CAMKK2: variants seen among roughly 807,000 people sequenced by gnomAD.
CAMKK2 encodes the protein calcium/calmodulin-dependent protein kinase kinase 2.
In CAMKK2, 30 loss-of-function variants were observed where a neutral mutation model predicts 67.2. The observed-to-expected ratio is 0.45, with a 90% CI of 0.33 to 0.61. CAMKK2 has a LOEUF of 0.61. Among genes scored for constraint, CAMKK2 ranks in the 20% least tolerant of loss-of-function variants. CAMKK2 has a pLI of 0.02. For missense variants in CAMKK2, 643 were observed against 802.0 expected (o/e 0.80, Z 2.39); for synonymous variants, 322 against 326.2 (o/e 0.99, Z 0.14).
At position 121,291,408 on chromosome 12, in the gene CAMKK2, G is replaced by A. The variant is rs544955626; in HGVS notation, c.-60+5230C>T. 1.1e-3 allele frequency among the ~76,000 whole-genome samples: 164 copies of A among 152,238 alleles called. 1 individual carries two copies. The highest frequency in any genetic ancestry group is 1.9e-3 in the Non-Finnish European group (127 of 68,028). On this transcript the variant is annotated intron_variant, in intron 1 of 16. Coordinates refer to ENST00000404169, the MANE Select transcript of CAMKK2 (RefSeq NM_001270485.2). ...ATGGATGAATGTATACACAAAATGC[G>A]GTCCATCCACACAATGGAATAGTAC...
chr12:121,267,104 T>TA (rs1491448459), intron 5 of CAMKK2, among the ~76,000 whole-genome samples: 203 of 83,236 alleles, frequency 2.4e-3, no homozygotes, highest in African/African-American at 0.01. Flanking sequence ...TTAATTTATC[T>TA]TTTTTTTTTT....
rs951471648 is a variant in CAMKK2 at position 121,285,965 on chromosome 12, T to A, written c.-60+10673A>T. Among the ~76,000 whole-genome samples the A allele has an allele frequency of 6.6e-6, 1 of 152,160 alleles. No homozygotes were observed. Among genetic ancestry groups the A allele is most frequent in the African/African-American group, 2.4e-5 (1 of 41,442 alleles). ...ACCAGGGGCTGGAGAGAACCCTGCC[T>A]CAGAATGAAGTCTAAGAAGAGAGAA... On this transcript the variant is annotated intron_variant, in intron 1 of 16. Coordinates refer to ENST00000404169, the MANE Select transcript of CAMKK2 (RefSeq NM_001270485.2). The surrounding 1 kb of genome is among the most constrained non-coding windows in gnomAD (Gnocchi z 4.1).
chr12:121,257,281 C>T (rs1023892247), intron 7 of CAMKK2, among the ~76,000 whole-genome samples: 1 of 148,490 alleles, frequency 6.7e-6, no homozygotes, highest in Non-Finnish European at 1.5e-5. Context: ...GAGTCTTGCT[C>T]TGTTGCCCAG....
intron 6 of CAMKK2, 107 bp from the exon 7 acceptor site, chr12:121,260,462 C>G (rs1316554710): frequency 1.0e-6 from 1 of 961,330 alleles, no homozygotes; most frequent in Non-Finnish European, 1.6e-6. Context: ...CGTTTGCCAA[C>G]AGGAGGGCTG....
chr12:121,266,487 C>A (rs1431916599), intron 5 of CAMKK2, among the ~76,000 whole-genome samples: 1 of 146,018 alleles, frequency 6.8e-6, no homozygotes, highest in African/African-American at 2.6e-5. Context: ...CAGGGTCCTA[C>A]TGTTAGGATG....
chr12:121,264,642 T>C (rs1437870645), intron 5 of CAMKK2, among the ~76,000 whole-genome samples: 3 of 151,972 alleles, frequency 2.0e-5, no homozygotes, highest in East Asian at 1.9e-4. Flanking sequence ...GGCGTGGTGG[T>C]GGGCGCCTGT....
intron 5 of CAMKK2, among the ~76,000 whole-genome samples, chr12:121,266,647 C>G (rs1294513639): frequency 6.6e-6 from 1 of 152,112 alleles, no homozygotes; most frequent in Admixed American, 6.5e-5. Context: ...AGGCACCCAC[C>G]ATGCCTGGCT....
chr12:121,240,565 A>C lies in CAMKK2; in HGVS notation c.*134T>G. 6.5e-7 allele frequency: 1 copy of C among 1,532,762 alleles called. No homozygotes were observed. The highest frequency in any genetic ancestry group is 8.7e-7 in the Non-Finnish European group (1 of 1,146,010). 94.9% of individuals were successfully genotyped at this position (1,532,762 alleles called of 1,614,324 possible). On this transcript the variant is annotated 3_prime_UTR_variant, in exon 17 of 17. Transcript: ENST00000404169. This position sits in a 1 kb window ranked among gnomAD's most constrained non-coding sequence, Gnocchi z 4.4. ...CCCCTTTAAAACAACAAAGGAAAAA[A>C]CAAATAACCAGAGATGACGATCGAG...
chr12:121,288,201 T>A (rs759703094), intron 1 of CAMKK2, among the ~76,000 whole-genome samples: 2 of 152,122 alleles, frequency 1.3e-5, no homozygotes, highest in African/African-American at 2.4e-5. Flanking sequence ...GGAAAACAAC[T>A]GGAATTTCAG....
chr12:121,256,948 C>T (rs532316520), intron 7 of CAMKK2, among the ~76,000 whole-genome samples: 2 of 151,468 alleles, frequency 1.3e-5, no homozygotes, highest in South Asian at 2.1e-4. Flanking sequence ...TTCTGGGTCA[C>T]GTGGTATAGT....
At chr12:121,242,428 G>A (rs978164593) in intron 16 of CAMKK2, among the ~76,000 whole-genome samples, 1 of 152,138 alleles carries the variant, frequency 6.6e-6, no homozygotes, top group African/African-American at 2.4e-5. Flanking sequence ...AGGCAGCCCC[G>A]GTTTGGCAAA....
intron 11 of CAMKK2, 103 bp from the exon 12 acceptor site, chr12:121,250,137 C>A (rs1890372696): frequency 1.2e-5 from 11 of 906,342 alleles, no homozygotes; most frequent in Non-Finnish European, 1.9e-5. Context: ...GCAGAGAAAT[C>A]AACAATTGCG....
At chr12:121,275,489 C>CAAAAA (rs10669562) in intron 1 of CAMKK2, among the ~76,000 whole-genome samples, 656 of 63,872 alleles carry the variant, frequency 0.01, 33 homozygotes, top group African/African-American at 0.036. Context: ...AAGACTGTCT[C>CAAAAA]AAAAAAAAAA....
intron 6 of CAMKK2, among the ~76,000 whole-genome samples, chr12:121,262,287 T>C (rs985624454): frequency 6.6e-6 from 1 of 152,128 alleles, no homozygotes; most frequent in South Asian, 2.1e-4. Flanking sequence ...CCAAGGCGGC[T>C]GGATCACGAG....
upstream of CAMKK2, chr12:121,297,456 A>G (rs1227090129): frequency 1.3e-5 from 5 of 391,064 alleles, no homozygotes; most frequent in East Asian, 7.3e-5. Flanking sequence ...ATTGAAGTTC[A>G]TTCTGGCTTT....
intron 1 of CAMKK2, among the ~76,000 whole-genome samples, chr12:121,283,136 C>G (rs1898110906): frequency 6.6e-6 from 1 of 152,324 alleles, no homozygotes; most frequent in South Asian, 2.1e-4. Flanking sequence ...CCCACCCAAC[C>G]AGTGGGGTTC....
rs986751738 is a variant in CAMKK2 at position 121,285,769 on chromosome 12, G to A, written c.-60+10869C>T. On this transcript the variant is annotated intron_variant, in intron 1 of 16. Transcript: ENST00000404169. The surrounding 1 kb of genome is among the most constrained non-coding windows in gnomAD (Gnocchi z 4.1). Reference sequence around the variant, plus strand: ...TGATGCAGCAGTGAGCCGTGATCATGCCACCGCACTCTAGCCTGGGTGACA... The same window carrying A: ...TGATGCAGCAGTGAGCCGTGATCATACCACCGCACTCTAGCCTGGGTGACA... Among the ~76,000 whole-genome samples the A allele has an allele frequency of 6.6e-6, 1 of 152,122 alleles. No individual in the cohort carries two copies. Among genetic ancestry groups the A allele is most frequent in the Admixed American group, 6.5e-5 (1 of 15,278 alleles).
chr12:121,244,478 A>G (rs1889010899), intron 16 of CAMKK2, 95 bp downstream of exon 16: 4 of 1,201,986 alleles, frequency 3.3e-6, no homozygotes, highest in Non-Finnish European at 4.7e-6. Flanking sequence ...TGGAAGGAGC[A>G]TCTGCCCGGG....
At chr12:121,267,195 C>T (rs1342684301) in intron 5 of CAMKK2, among the ~76,000 whole-genome samples, 1 of 145,244 alleles carries the variant, frequency 6.9e-6, no homozygotes, top group Admixed American at 6.9e-5. Flanking sequence ...CTCCAACCTC[C>T]GCCTCCTGGG....
Sources: allele counts gnomAD v4.1 joint callset (sites outside exome capture counted in the v4.1 genomes callset), GRCh38; gene constraint gnomAD v4.1.1; non-coding constraint Gnocchi (gnomAD v3.1); transcripts MANE v1.5; gene names NCBI Gene and HGNC (gene_info 2026-07-23, HGNC 2026-07-21).